RHBDF2: variants seen among roughly 807,000 people sequenced by gnomAD.
RHBDF2 encodes the protein inactive rhomboid protein 2.
A neutral mutation model predicts 95.2 loss-of-function variants in RHBDF2; 38 were observed. The ratio of observed to expected loss-of-function variants is 0.40; its 90% CI spans 0.31 to 0.52. The LOEUF is 0.52. Ranked by LOEUF, RHBDF2 falls within the 20% of genes least tolerant of loss-of-function variation. RHBDF2 has a pLI of 0.56. For missense variants in RHBDF2, 863 were observed against 1,137.7 expected (o/e 0.76, Z 3.47); for synonymous variants, 442 against 462.0 (o/e 0.96, Z 0.55).
chr17:76,489,661 T>C (rs2074247464), intron 1 of RHBDF2, among the ~76,000 whole-genome samples: 1 of 151,576 alleles, frequency 6.6e-6, no homozygotes, highest in Non-Finnish European at 1.5e-5. Context: ...AGGCCATCCT[T>C]TGAGGGGAAC....
In RHBDF2 at chr17:76,479,018, GA is replaced by G. The variant is rs760796019; in HGVS notation, c.469-10del. The G allele has an allele frequency of 1.9e-6, 3 of 1,606,460 alleles. No homozygotes were observed. Among genetic ancestry groups the G allele is most frequent in the East Asian group, 4.5e-5 (2 of 44,764 alleles). On this transcript the variant is annotated splice_polypyrimidine_tract_variant and intron_variant, in intron 5 of 18. Transcript: ENST00000675367. ...GCCAGCGGATCCACAATCTGGAAGG[GA>G]GGGGGGCGGTAAGCAGAGCCATTAG...
rs1232025390 is a variant in RHBDF2 at position 76,477,304 on chromosome 17, G to A, written c.802-6C>T. ...GGCATGGAGCTCATTTCTTCCTGGG[G>A]TGGGGGACAAGAAAATACAGTGTAA... On this transcript the variant is annotated splice_polypyrimidine_tract_variant and splice_region_variant and intron_variant, in intron 7 of 18. Coordinates refer to ENST00000675367, the MANE Select transcript of RHBDF2 (RefSeq NM_001005498.4). 3.1e-6 allele frequency: 5 copies of A among 1,610,920 alleles called. No homozygotes were observed. Among genetic ancestry groups the A allele is most frequent in the Non-Finnish European group, 4.2e-6 (5 of 1,178,992 alleles).
Position 76,477,300 on chromosome 17 carries a change from T to C in RHBDF2, c.802-2A>G. On this transcript the variant is annotated splice_acceptor_variant, in intron 7 of 18. Coordinates refer to ENST00000675367, the MANE Select transcript of RHBDF2 (RefSeq NM_001005498.4). LOFTEE classifies it high-confidence loss of function. ...ATCAGGCATGGAGCTCATTTCTTCCTGGGGTGGGGGACAAGAAAATACAGT... is the reference window on the plus strand; with the variant it reads ...ATCAGGCATGGAGCTCATTTCTTCCCGGGGTGGGGGACAAGAAAATACAGT... The C allele has an allele frequency of 6.2e-7, 1 of 1,610,898 alleles. No homozygotes were observed. The highest frequency in any genetic ancestry group is 8.5e-7 in the Non-Finnish European group (1 of 1,179,028).
In RHBDF2 at chr17:76,473,895, C is replaced by T. The variant is rs747619299; in HGVS notation, c.1582G>A (p.Glu528Lys). ...AVCHQDPRTC[E>K]EPASSGAHIW... ...TGGGCACCGCTGGAGGCTGGCTCCT[C>T]GCAGGTCCTGGAGACAGGGTTCAGA... is the stretch of plus-strand genomic sequence containing the variant. The change falls in exon 14 of 19, where the codon GAG becomes AAG. Residue 528 changes from glutamate to lysine, a missense_variant. Glu to Lys is a moderately conservative substitution (Grantham distance 56). Coordinates refer to ENST00000675367, the MANE Select transcript of RHBDF2 (RefSeq NM_001005498.4). 6 of 1,613,942 alleles carry T rather than the reference C, an allele frequency of 3.7e-6. No individual in the cohort carries two copies. In the South Asian group the frequency reaches 4.4e-5, roughly 12 times the overall value.
chr17:76,480,868 T>G (rs925714668), intron 3 of RHBDF2, among the ~76,000 whole-genome samples: 3 of 152,336 alleles, frequency 2.0e-5, no homozygotes, highest in African/African-American at 7.2e-5. Flanking sequence ...TACTCCAGAC[T>G]GTGCAGGAAG....
chr17:76,489,325 G>GTTTTT (rs71161301), intron 1 of RHBDF2, among the ~76,000 whole-genome samples: 4 of 131,698 alleles, frequency 3.0e-5, no homozygotes, highest in Non-Finnish European at 6.3e-5. Context: ...GGGCATTCCT[G>GTTTTT]TTTTTTTTTT....
chr17:76,487,136 T>C lies in RHBDF2; in HGVS notation c.-22+576A>G, dbSNP rs554728187. On this transcript the variant is annotated intron_variant, in intron 2 of 18. Transcript: ENST00000675367. ...GCCATGCCCAGCTAATTTTGTATTTTTTAGTAGAGACTGGGTTTCTCCATG... is the reference window on the plus strand; with the variant it reads ...GCCATGCCCAGCTAATTTTGTATTTCTTAGTAGAGACTGGGTTTCTCCATG... 7.2e-5 allele frequency among the ~76,000 whole-genome samples: 11 copies of C among 151,818 alleles called. No homozygotes were observed. In the South Asian group the frequency reaches 2.3e-3, roughly 32 times the overall value.
Position 76,474,780 on chromosome 17 carries a change from C to G in RHBDF2, c.1252G>C (p.Glu418Gln). ...TCCTGCTGGATGTACTTCACGCTCT[C>G]GTACACACCTTTGTTCCGCAGCACC... is the stretch of plus-strand genomic sequence containing the variant. ...QLVLRNKGVY[E>Q]SVKYIQQENF... Residue 418 changes from glutamate to glutamine, a missense_variant, in exon 11 of 19, where the codon GAG becomes CAG. By Grantham distance (29) the Glu-to-Gln change is conservative. Transcript: ENST00000675367. 1 of 1,614,168 alleles carries G rather than the reference C, an allele frequency of 6.2e-7. No individual in the cohort carries two copies. Among genetic ancestry groups the G allele is most frequent in the Non-Finnish European group, 8.5e-7 (1 of 1,180,010 alleles).
chr17:76,472,597 G>T, intron 18 of RHBDF2, 89 bp downstream of exon 18: 1 of 1,547,336 alleles, frequency 6.5e-7, no homozygotes. Flanking sequence ...GGGGCACCGT[G>T]TCCCTCTGGC....
In RHBDF2 at chr17:76,479,424, C is replaced by T. The variant is rs771818862; in HGVS notation, c.273-147G>A. On this transcript the variant is annotated intron_variant, in intron 4 of 18. Transcript: ENST00000675367. ...GCCTGTGAGGCCCCTGGCTGGAGCC[C>T]AGTGACCAGATGAGCAGAAGCAGGG... is the stretch of plus-strand genomic sequence containing the variant. 7 of 1,188,326 alleles carry T rather than the reference C, an allele frequency of 5.9e-6. No individual in the cohort carries two copies. The South Asian group carries it at 9.2e-5, about 16-fold the overall frequency. The allele number at this position is 1,188,326 out of a possible 1,614,324, so 73.6% of individuals were successfully genotyped here. A position where few individuals can be genotyped will look rare whatever the true frequency, so the allele number is the denominator to read the frequency against.
chr17:76,473,169 G>C, intron 16 of RHBDF2, 64 bp from the exon 17 acceptor site: 1 of 1,585,130 alleles, frequency 6.3e-7, no homozygotes, highest in Non-Finnish European at 8.7e-7. Flanking sequence ...TCCGACATGG[G>C]AGGGAGTGCG....
At chr17:76,485,852 G>A (rs1294834606) in intron 2 of RHBDF2, among the ~76,000 whole-genome samples, 2 of 152,194 alleles carry the variant, frequency 1.3e-5, no homozygotes, top group Non-Finnish European at 2.9e-5. Flanking sequence ...TCCAGGGACA[G>A]GAGCCAGTCA....
intron 2 of RHBDF2, among the ~76,000 whole-genome samples, chr17:76,486,662 C>T (rs904070165): frequency 3.3e-5 from 5 of 150,332 alleles, no homozygotes; most frequent in African/African-American, 1.2e-4. Context: ...TGCAGTGAAC[C>T]GTGATCGCGC....
At chr17:76,492,110 C>T (rs1014032836) in intron 1 of RHBDF2, among the ~76,000 whole-genome samples, 1 of 152,224 alleles carries the variant, frequency 6.6e-6, no homozygotes, top group Non-Finnish European at 1.5e-5. Context: ...GCCTTCAGCC[C>T]CAGCCCAGCT....
Position 76,471,558 on chromosome 17 carries a change from G to A in RHBDF2, c.*75C>T, listed in dbSNP as rs561898555. 22 of 1,429,888 alleles carry A rather than the reference G, an allele frequency of 1.5e-5. No homozygotes were observed. The African/African-American group carries it at 2.0e-4, about 13-fold the overall frequency. The allele number at this position is 1,429,888 out of a possible 1,614,324, so 88.6% of individuals were successfully genotyped here. ...TCTCTGGCTCTCTGGCACACAGAGA[G>A]CGCTCTGCAGAGGGCAGCCCTCGCA... On this transcript the variant is annotated 3_prime_UTR_variant, in exon 19 of 19. Coordinates refer to ENST00000675367, the MANE Select transcript of RHBDF2 (RefSeq NM_001005498.4).
intron 2 of RHBDF2, among the ~76,000 whole-genome samples, chr17:76,486,668 C>T (rs542366305): frequency 4.5e-4 from 66 of 145,626 alleles, no homozygotes; most frequent in Non-Finnish European, 8.0e-4. Context: ...GAACCGTGAT[C>T]GCGCCACTGT....
intron 1 of RHBDF2, among the ~76,000 whole-genome samples, chr17:76,494,100 G>C (rs1202147574): frequency 4.6e-5 from 7 of 152,106 alleles, no homozygotes; most frequent in Admixed American, 4.6e-4. Context: ...GGGGTGTGAG[G>C]TGTGAACCTG....
In RHBDF2 at chr17:76,471,630, C is replaced by CG. The variant is rs1567869788; in HGVS notation, c.*2dup. 1 of 1,580,768 alleles carries CG rather than the reference C, an allele frequency of 6.3e-7. No homozygotes were observed. The highest frequency in any genetic ancestry group is 1.7e-5 in the Admixed American group (1 of 57,962). ...GCTGAGGGGCAGCCGTGTGGCCCAG[C>CG]GGTCAGTGCAGCACCTGGTCCAGCT... is the stretch of plus-strand genomic sequence containing the variant. On this transcript the variant is annotated 3_prime_UTR_variant, in exon 19 of 19. Coordinates refer to ENST00000675367, the MANE Select transcript of RHBDF2 (RefSeq NM_001005498.4).
chr17:76,498,773 G>A (rs531076786), intron 1 of RHBDF2, among the ~76,000 whole-genome samples: 1 of 130,838 alleles, frequency 7.6e-6, no homozygotes, highest in South Asian at 2.4e-4. Flanking sequence ...CCCCCTCCTG[G>A]GCTGGAGAGA....
Sources: allele counts gnomAD v4.1 joint callset (sites outside exome capture counted in the v4.1 genomes callset), GRCh38; gene constraint gnomAD v4.1.1; transcripts MANE v1.5; gene names NCBI Gene and HGNC (gene_info 2026-07-23, HGNC 2026-07-21).